The following PLPP1 variants were observed in gnomAD, a reference collection of about 807,000 sequenced individuals.
PLPP1 encodes phospholipid phosphatase 1, also known as lipid phosphate phosphohydrolase 1a.
A neutral mutation model predicts 31.2 loss-of-function variants in PLPP1; 24 were observed. The observed-to-expected ratio is 0.77, with a 90% confidence interval of 0.56 to 1.08. The LOEUF (loss-of-function observed/expected upper bound fraction) is 1.08. Among genes scored for constraint, PLPP1 ranks in the 50% least tolerant of loss-of-function variants. The probability of loss-of-function intolerance (pLI) is 0.00; values close to 1 mark genes in which losing one functional copy is unlikely to be tolerated. For missense variants in PLPP1, 319 were observed against 342.7 expected (o/e 0.93, Z 0.55); for synonymous variants, 146 against 126.3 (o/e 1.16, Z -1.05).
At chr5:55,446,078 A>G (rs1401018055) in intron 3 of PLPP1, among the ~76,000 whole-genome samples, 3 of 152,086 alleles carry the variant, frequency 2.0e-5, no homozygotes, top group African/African-American at 7.2e-5. Flanking sequence ...TGTGTCTAGT[A>G]CTAGGATTTC....
intron 3 of PLPP1, among the ~76,000 whole-genome samples, chr5:55,457,686 C>T (rs183262396): frequency 6.6e-5 from 10 of 152,018 alleles, no homozygotes; most frequent in South Asian, 2.1e-4. Context: ...GTCAGCAGTT[C>T]GAGACCAGCC....
chr5:55,479,769 T>C (rs1752633590), intron 1 of PLPP1, among the ~76,000 whole-genome samples: 1 of 152,234 alleles, frequency 6.6e-6, no homozygotes, highest in South Asian at 2.1e-4. Context: ...TTAGAATTTC[T>C]ACTCCTTGAA....
intron 1 of PLPP1, among the ~76,000 whole-genome samples, chr5:55,533,621 T>C (rs115574692): frequency 6.6e-6 from 1 of 152,186 alleles, no homozygotes; most frequent in Non-Finnish European, 1.5e-5. Flanking sequence ...CCCTGAGAAC[T>C]TGCCAATACT....
chr5:55,483,279 A>T (rs1561241100), intron 1 of PLPP1, among the ~76,000 whole-genome samples: 1 of 152,246 alleles, frequency 6.6e-6, no homozygotes, highest in Non-Finnish European at 1.5e-5. Context: ...TGATTAATCA[A>T]TGCCAGAAAA....
At chr5:55,434,132 C>CAA (rs528979124) in intron 4 of PLPP1, among the ~76,000 whole-genome samples, 126 of 53,002 alleles carry the variant, frequency 2.4e-3, no homozygotes, top group African/African-American at 7.4e-3. Flanking sequence ...GACTCTGTCT[C>CAA]AAAAAAAAAA....
At chr5:55,510,364 G>A (rs1204970378) in intron 1 of PLPP1, among the ~76,000 whole-genome samples, 1 of 152,046 alleles carries the variant, frequency 6.6e-6, no homozygotes, top group African/African-American at 2.4e-5. Context: ...ACACATCACT[G>A]TTTGCCAAAA....
chr5:55,512,657 G>A (rs981436681), intron 1 of PLPP1, among the ~76,000 whole-genome samples: 3 of 151,980 alleles, frequency 2.0e-5, no homozygotes, highest in Non-Finnish European at 4.4e-5. Context: ...AAAGTAGATT[G>A]TGCCAAACCT....
intron 4 of PLPP1, among the ~76,000 whole-genome samples, chr5:55,433,979 A>G (rs1751431395): frequency 6.6e-6 from 1 of 151,978 alleles, no homozygotes. Context: ...TTTACTAAAA[A>G]TACAAGAATT....
intron 1 of PLPP1, chr5:55,530,167 C>T (rs922747247): frequency 2.3e-6 from 3 of 1,298,850 alleles, no homozygotes; most frequent in Non-Finnish European, 3.3e-6. Flanking sequence ...CAGATGTTTA[C>T]TTGAAATGAT....
chr5:55,429,946 G>A (rs1272122559), intron 4 of PLPP1, among the ~76,000 whole-genome samples: 2 of 152,032 alleles, frequency 1.3e-5, no homozygotes, highest in African/African-American at 4.8e-5. Context: ...ACACCACTGA[G>A]GGACCTATCC....
intron 4 of PLPP1, among the ~76,000 whole-genome samples, chr5:55,441,082 CATT>C (rs1751610651): frequency 6.6e-6 from 1 of 152,052 alleles, no homozygotes; most frequent in Non-Finnish European, 1.5e-5. Flanking sequence ...GTAAAGAGAA[CATT>C]ATAAAAAAAT....
intron 4 of PLPP1, among the ~76,000 whole-genome samples, chr5:55,434,077 C>T (rs1404123469): frequency 2.0e-5 from 3 of 148,008 alleles, no homozygotes; most frequent in Non-Finnish European, 4.5e-5. Flanking sequence ...TGCAGTGAGC[C>T]GAGATCGCAC....
chr5:55,429,083 G>C (rs1452930982), intron 4 of PLPP1, among the ~76,000 whole-genome samples: 1 of 152,078 alleles, frequency 6.6e-6, no homozygotes, highest in Non-Finnish European at 1.5e-5. Context: ...GCTGTATTTT[G>C]TCTCTGGAAT....
chr5:55,436,461 T>A (rs750269204), intron 4 of PLPP1, among the ~76,000 whole-genome samples: 1 of 152,196 alleles, frequency 6.6e-6, no homozygotes, highest in Non-Finnish European at 1.5e-5. Flanking sequence ...CTTCTTGCCT[T>A]CCGCCATGCT....
intron 3 of PLPP1, among the ~76,000 whole-genome samples, chr5:55,466,288 C>T (rs1752293219): frequency 6.6e-6 from 1 of 152,184 alleles, no homozygotes; most frequent in Non-Finnish European, 1.5e-5. Context: ...TCTTCCCTGC[C>T]AGACTAAGGT....
intron 1 of PLPP1, chr5:55,530,366 A>G: frequency 7.5e-7 from 1 of 1,329,570 alleles, no homozygotes. Flanking sequence ...GATTACTGTT[A>G]GAGTGATCCA....
At chr5:55,513,474 G>A (rs557630378) in intron 1 of PLPP1, among the ~76,000 whole-genome samples, 40 of 151,970 alleles carry the variant, frequency 2.6e-4, no homozygotes, top group African/African-American at 9.2e-4. Flanking sequence ...GTTTCACCAT[G>A]TTGTCCAGGC....
intron 4 of PLPP1, among the ~76,000 whole-genome samples, chr5:55,434,850 A>G (rs1425458388): frequency 6.6e-6 from 1 of 152,190 alleles, no homozygotes; most frequent in Admixed American, 6.5e-5. Context: ...GGTCTGGGCA[A>G]AGATTTTATG....
At chr5:55,494,889 G>A (rs538974179) in intron 1 of PLPP1, among the ~76,000 whole-genome samples, 1 of 151,678 alleles carries the variant, frequency 6.6e-6, no homozygotes, top group South Asian at 2.1e-4. Context: ...GGGAGGCAAA[G>A]GCTGGCAGAT....
Sources: gnomAD v4.1 joint callset for allele counts (sites outside exome capture counted in the v4.1 genomes callset) on GRCh38, gnomAD v4.1.1 for gene constraint, MANE v1.5 for transcripts, NCBI Gene and HGNC (gene_info 2026-07-23, HGNC 2026-07-21) for gene names.